Variants in CDIN1 observed in about 807,000 individuals in gnomAD.
The protein encoded by CDIN1 is CDAN1-interacting nuclease 1.
A neutral mutation model predicts 45.3 loss-of-function variants in CDIN1; 33 were observed. The observed-to-expected ratio is 0.73, with a 90% CI of 0.55 to 0.97. CDIN1 has a LOEUF of 0.97. Ranked by LOEUF, CDIN1 falls within the 50% of genes least tolerant of loss-of-function variation. The probability of loss-of-function intolerance (pLI) is 0.00; values close to 1 mark genes in which losing one functional copy is unlikely to be tolerated. For synonymous variants in CDIN1, 118 were observed against 124.4 expected, an observed-to-expected ratio of 0.95 and a Z score of 0.34; for missense variants, 303 against 339.4, an observed-to-expected ratio of 0.89 and a Z score of 0.84.
chr15:36,618,648 T>C, intron 1 of CDIN1: 1 of 823,596 alleles, frequency 1.2e-6, no homozygotes, highest in Non-Finnish European at 2.2e-6. Flanking sequence ...TGTTGAGAGT[T>C]AGTTGCCCAG....
chr15:36,749,731 C>T (rs79516692), intron 10 of CDIN1, among the ~76,000 whole-genome samples: 415 of 152,314 alleles, frequency 2.7e-3, no homozygotes, highest in African/African-American at 9.3e-3. Context: ...CCCAAACAAC[C>T]ATAGAGAGGT....
chr15:36,787,011 C>T (rs2054508687), intron 10 of CDIN1, among the ~76,000 whole-genome samples: 1 of 152,168 alleles, frequency 6.6e-6, no homozygotes, highest in Non-Finnish European at 1.5e-5. Flanking sequence ...TGTTTCCATC[C>T]TCACACCCCT....
At chr15:36,660,307 A>G (rs1283944050) in intron 5 of CDIN1, among the ~76,000 whole-genome samples, 1 of 152,108 alleles carries the variant, frequency 6.6e-6, no homozygotes, top group Non-Finnish European at 1.5e-5. Flanking sequence ...AAATCACCTC[A>G]GCTTTAATGA....
At chr15:36,621,181 T>C (rs574597636) in intron 1 of CDIN1, among the ~76,000 whole-genome samples, 36 of 152,220 alleles carry the variant, frequency 2.4e-4, no homozygotes, top group Non-Finnish European at 2.9e-4. Flanking sequence ...ATTATGTGTG[T>C]ACAATTACGT....
At chr15:36,721,984 T>G (rs989801382) in intron 10 of CDIN1, among the ~76,000 whole-genome samples, 28 of 152,262 alleles carry the variant, frequency 1.8e-4, no homozygotes, top group African/African-American at 6.5e-4. Flanking sequence ...TGGCTCACTC[T>G]TTGTAATCCC....
intron 10 of CDIN1, among the ~76,000 whole-genome samples, chr15:36,753,144 T>G (rs2053519314): frequency 6.6e-6 from 1 of 152,068 alleles, no homozygotes; most frequent in African/African-American, 2.4e-5. Context: ...GCGGCAACTG[T>G]GAGGGGTAAA....
At chr15:36,659,966 C>CTTTTTTTTTTTTTTT (rs778988517) in intron 5 of CDIN1, among the ~76,000 whole-genome samples, 7 of 105,126 alleles carry the variant, frequency 6.7e-5, no homozygotes, top group South Asian at 3.2e-4. Context: ...CCTTCCTTTT[C>CTTTTTTTTTTTTTTT]TTTTTTTTTT....
At chr15:36,738,470 A>G (rs2044114066) in intron 10 of CDIN1, among the ~76,000 whole-genome samples, 1 of 152,014 alleles carries the variant, frequency 6.6e-6, no homozygotes, top group Admixed American at 6.6e-5. Context: ...ATCAGCCTTC[A>G]TGGCCCTAGA....
intron 10 of CDIN1, among the ~76,000 whole-genome samples, chr15:36,732,733 T>TA (rs2043876064): frequency 6.6e-6 from 1 of 151,868 alleles, no homozygotes; most frequent in South Asian, 2.1e-4. Context: ...TTGCAAAAAA[T>TA]AAAAAAAGTC....
chr15:36,808,291 A>G (rs748242695), intron 10 of CDIN1, 33 bp from the exon 11 acceptor site: 2 of 1,610,976 alleles, frequency 1.2e-6, no homozygotes, highest in Non-Finnish European at 8.5e-7. Flanking sequence ...TGTTGATACC[A>G]TGTGTGTGTG....
At chr15:36,696,290 A>G (rs1230893404) in intron 7 of CDIN1, 1 of 152,218 alleles carries the variant, frequency 6.6e-6, no homozygotes, top group Non-Finnish European at 1.5e-5. Context: ...CTCTGTACCC[A>G]CACCCTAATC....
intron 10 of CDIN1, among the ~76,000 whole-genome samples, chr15:36,712,322 G>T (rs1394635761): frequency 7.8e-6 from 1 of 128,378 alleles, no homozygotes; most frequent in Non-Finnish European, 1.6e-5. Context: ...GTGGAGTGCA[G>T]TAGTGTGATA....
intron 10 of CDIN1, chr15:36,756,027 G>A: frequency 2.2e-6 from 1 of 455,916 alleles, no homozygotes; most frequent in Admixed American, 2.4e-5. Flanking sequence ...GCTGAGTCCA[G>A]CAAGGAGAAG....
chr15:36,615,237 C>T (rs763039279), intron 1 of CDIN1, among the ~76,000 whole-genome samples: 2 of 152,172 alleles, frequency 1.3e-5, no homozygotes, highest in South Asian at 2.1e-4. Context: ...CTCTGCAGTC[C>T]GTGGGCTGGC....
At chr15:36,644,349 G>A (rs756539474) in intron 2 of CDIN1, 26 bp downstream of exon 2, 22 of 1,602,176 alleles carry the variant, frequency 1.4e-5, no homozygotes, top group South Asian at 2.2e-5. Flanking sequence ...CTTTGTGAGG[G>A]TTGACAGGTG....
chr15:36,802,735 A>C (rs733238), intron 10 of CDIN1, among the ~76,000 whole-genome samples: 53,396 of 151,808 alleles, frequency 0.35, 9,846 homozygotes, highest in Middle Eastern at 0.54. Context: ...TTCTGTCTGA[A>C]CCACTGAGTT....
chr15:36,638,247 T>A (rs951987156), intron 1 of CDIN1, among the ~76,000 whole-genome samples: 1 of 152,326 alleles, frequency 6.6e-6, no homozygotes, highest in East Asian at 1.9e-4. Context: ...AACAGATTCA[T>A]ACACATCAGA....
At chr15:36,793,926 C>T (rs1302347221) in intron 10 of CDIN1, among the ~76,000 whole-genome samples, 1 of 151,416 alleles carries the variant, frequency 6.6e-6, no homozygotes, top group South Asian at 2.1e-4. Context: ...CGCTAGTTAT[C>T]TGTTTACATT....
chr15:36,796,380 C>G (rs2054797614), intron 10 of CDIN1, among the ~76,000 whole-genome samples: 1 of 152,208 alleles, frequency 6.6e-6, no homozygotes, highest in Non-Finnish European at 1.5e-5. Context: ...CATGGATTAG[C>G]TGCAGGGGCA....
Sources: allele counts gnomAD v4.1 joint callset (sites outside exome capture counted in the v4.1 genomes callset), GRCh38; gene constraint gnomAD v4.1.1; transcripts MANE v1.5; gene names NCBI Gene and HGNC (gene_info 2026-07-23, HGNC 2026-07-21).